The following TOGARAM2 variants were observed in gnomAD, a reference collection of about 807,000 sequenced individuals.
The protein encoded by TOGARAM2 is TOG array regulator of axonemal microtubules protein 2.
Under a neutral mutation model 93.3 loss-of-function variants are expected in TOGARAM2, and 85 were observed. The ratio of observed to expected loss-of-function variants is 0.91; its 90% CI spans 0.76 to 1.09. The LOEUF is 1.09. Among genes scored for constraint, TOGARAM2 ranks in the 50% least tolerant of loss-of-function variants. TOGARAM2 has a pLI of 0.00. For synonymous variants in TOGARAM2, 593 were observed against 552.8 expected, an observed-to-expected ratio of 1.07 and a Z score of -1.02; for missense variants, 1,277 against 1,334.5, an observed-to-expected ratio of 0.96 and a Z score of 0.67.
chr2:28,996,343 C>T (rs1672987521), intron 2 of TOGARAM2, among the ~76,000 whole-genome samples: 1 of 152,108 alleles, frequency 6.6e-6, no homozygotes, highest in African/African-American at 2.4e-5. Flanking sequence ...AGCTCTCATT[C>T]CTTCTATCTA....
At chr2:28,992,507 C>T (rs1242870586) in intron 1 of TOGARAM2, among the ~76,000 whole-genome samples, 2 of 152,156 alleles carry the variant, frequency 1.3e-5, no homozygotes, top group South Asian at 2.1e-4. Context: ...TGACCTCTGA[C>T]CACTGAGGAG....
intron 1 of TOGARAM2, among the ~76,000 whole-genome samples, chr2:28,982,858 C>T (rs549490416): frequency 6.6e-6 from 1 of 152,296 alleles, no homozygotes; most frequent in East Asian, 1.9e-4. Context: ...GGCCGCCTCC[C>T]AGAACCCACC....
chr2:29,006,266 A>T (rs1418986307), intron 6 of TOGARAM2, among the ~76,000 whole-genome samples: 1 of 118,284 alleles, frequency 8.5e-6, no homozygotes, highest in Non-Finnish European at 1.7e-5. Context: ...ATGTGTGTGG[A>T]GTGTATATGT....
chr2:28,977,021 G>C (rs1243147122), upstream of TOGARAM2, among the ~76,000 whole-genome samples: 1 of 152,166 alleles, frequency 6.6e-6, no homozygotes, highest in East Asian at 1.9e-4. Context: ...CTACCTGGGG[G>C]GGCGTGGCCT....
chr2:29,008,745 C>T (rs115359965), intron 6 of TOGARAM2, among the ~76,000 whole-genome samples: 11,465 of 152,278 alleles, frequency 0.075, 509 homozygotes, highest in African/African-American at 0.12. Flanking sequence ...GTAGAAGCCA[C>T]CGCACCTGGC....
chr2:29,011,479 G>A lies in TOGARAM2; in HGVS notation c.855G>A (p.Arg285=), dbSNP rs2148322547. Residue 285 remains arginine, a synonymous_variant, in exon 7 of 20, where the codon CGG becomes CGA. Coordinates refer to ENST00000379558, the MANE Select transcript of TOGARAM2 (RefSeq NM_199280.4). ...RTRLARGSGP[R]EKTPASLEPK... ...GATTGGCTCGGGGGAGTGGGCCTCG[G>A]GAGAAGACCCCTGCATCTCTGGGTA... 6.2e-7 allele frequency: 1 copy of A among 1,607,024 alleles called. No individual in the cohort carries two copies. The highest frequency in any genetic ancestry group is 2.3e-5 in the East Asian group (1 of 44,236).
chr2:29,006,781 C>T (rs1663904375), intron 6 of TOGARAM2, among the ~76,000 whole-genome samples: 5 of 152,100 alleles, frequency 3.3e-5, no homozygotes, highest in Admixed American at 3.3e-4. Context: ...CAGACAGCAG[C>T]TTGCTCCACT....
intron 18 of TOGARAM2, among the ~76,000 whole-genome samples, chr2:29,043,057 A>G (rs1451897827): frequency 6.6e-6 from 1 of 152,220 alleles, no homozygotes; most frequent in Middle Eastern, 3.2e-3. Flanking sequence ...CCTTGTCTTC[A>G]AATCTGAGCC....
chr2:28,963,107 A>T (rs1416052711), intron 1 of TOGARAM2, among the ~76,000 whole-genome samples: 1 of 152,202 alleles, frequency 6.6e-6, no homozygotes, highest in South Asian at 2.1e-4. Flanking sequence ...AGTTACAGGC[A>T]TGAGCCCCTA....
intron 1 of TOGARAM2, 64 bp from the exon 2 acceptor site, chr2:28,994,661 T>G (rs1239756796): frequency 1.7e-6 from 1 of 581,230 alleles, no homozygotes; most frequent in African/African-American, 1.9e-5. Context: ...AAGGGCTTTT[T>G]GTGAAGTAGT....
rs185710666 is a variant in TOGARAM2 at position 28,994,776 on chromosome 2, C to T, written c.-59C>T. On this transcript the variant is annotated 5_prime_UTR_variant, in exon 2 of 20. Transcript: ENST00000379558. ...TCCAGACCCCCAAGGACTGTACTCA[C>T]TGCCCAGAAATAGCTGCTGCCTCTG... 2.5e-5 allele frequency: 39 copies of T among 1,541,936 alleles called. No individual in the cohort carries two copies. The East Asian group carries it at 9.3e-4, about 37-fold the overall frequency.
intron 18 of TOGARAM2, among the ~76,000 whole-genome samples, chr2:29,040,432 T>C (rs1359373534): frequency 6.6e-6 from 1 of 152,210 alleles, no homozygotes; most frequent in African/African-American, 2.4e-5. Flanking sequence ...TTTTTTGAGT[T>C]TTTTCCTGTG....
At chr2:29,020,937 T>C (rs993684528) in intron 10 of TOGARAM2, among the ~76,000 whole-genome samples, 1 of 152,116 alleles carries the variant, frequency 6.6e-6, no homozygotes, top group African/African-American at 2.4e-5. Flanking sequence ...TCCCTGAGAC[T>C]GAGTCTCACT....
chr2:28,966,085 G>A (rs1161550990), intron 1 of TOGARAM2, among the ~76,000 whole-genome samples: 1 of 151,694 alleles, frequency 6.6e-6, no homozygotes, highest in Non-Finnish European at 1.5e-5. Flanking sequence ...GCAGTGGCAC[G>A]ATTTTTGGCT....
Position 29,017,986 on chromosome 2 carries a change from G to A in TOGARAM2, c.1360+30G>A, listed in dbSNP as rs756223917. 9.6e-6 allele frequency: 15 copies of A among 1,563,904 alleles called. No homozygotes were observed. The African/African-American group carries it at 1.8e-4, about 18-fold the overall frequency. On this transcript the variant is annotated intron_variant, in intron 10 of 19. Coordinates refer to ENST00000379558, the MANE Select transcript of TOGARAM2 (RefSeq NM_199280.4). ...GCAGGCCCGACTGGCAGGCACACGT[G>A]TCCCTCTGCCCATGCTGCCTCAGGA...
At chr2:28,969,786 C>T (rs1026669799) in intron 1 of TOGARAM2, among the ~76,000 whole-genome samples, 3 of 151,612 alleles carry the variant, frequency 2.0e-5, no homozygotes, top group South Asian at 4.2e-4. Flanking sequence ...TTTTTATCTT[C>T]CCTTCCCTAA....
chr2:28,994,791 T>G lies in TOGARAM2; in HGVS notation c.-44T>G. The G allele has an allele frequency of 6.4e-7, 1 of 1,550,756 alleles. No homozygotes were observed. Among genetic ancestry groups the G allele is most frequent in the Non-Finnish European group, 8.7e-7 (1 of 1,146,134 alleles). ...ACTGTACTCACTGCCCAGAAATAGC[T>G]GCTGCCTCTGGGCAACCTTGTAGGC... On this transcript the variant is annotated 5_prime_UTR_variant, in exon 2 of 20. Transcript: ENST00000379558.
chr2:28,994,952 G>T, intron 2 of TOGARAM2, 90 bp downstream of exon 2: 1 of 1,482,772 alleles, frequency 6.7e-7, no homozygotes, highest in Non-Finnish European at 9.2e-7. Context: ...AAAGGGAGAT[G>T]TGGGGATAAA....
chr2:28,966,205 G>T (rs1250223601), intron 1 of TOGARAM2, among the ~76,000 whole-genome samples: 1 of 151,988 alleles, frequency 6.6e-6, no homozygotes, highest in African/African-American at 2.4e-5. Context: ...TGGCCAGGCT[G>T]GTCTCAAACT....
Sources: allele counts gnomAD v4.1 joint callset (sites outside exome capture counted in the v4.1 genomes callset), GRCh38; gene constraint gnomAD v4.1.1; transcripts MANE v1.5; gene names NCBI Gene and HGNC (gene_info 2026-07-23, HGNC 2026-07-21).